RANBP2: variants seen among roughly 807,000 people sequenced by gnomAD.
RANBP2 encodes the protein RAN binding protein 2, also known as E3 SUMO-protein ligase RanBP2.
Under a neutral mutation model 303.6 loss-of-function variants are expected in RANBP2, and 57 were observed. The ratio of observed to expected loss-of-function variants is 0.19; its 90% CI spans 0.15 to 0.23. The LOEUF (loss-of-function observed/expected upper bound fraction) is 0.23. Among genes scored for constraint, RANBP2 ranks in the 10% least tolerant of loss-of-function variants. RANBP2 has a pLI of 1.00. For missense variants in RANBP2, 3,138 were observed against 3,780.8 expected, an observed-to-expected ratio of 0.83 and a Z score of 4.46; for synonymous variants, 1,167 against 1,301.5, an observed-to-expected ratio of 0.90 and a Z score of 2.23.
chr2:109,541,426 T>C, the RANBP2 span, among the ~76,000 whole-genome samples: 2 of 152,220 alleles, frequency 1.3e-5, no homozygotes, highest in Non-Finnish European at 2.9e-5. Flanking sequence ...GTGAGTCTAT[T>C]GTATCTCTAA....
At chr2:108,762,030 C>T (rs1216877376) in intron 18 of RANBP2, 71 bp from the exon 19 acceptor site, 1 of 1,577,744 alleles carries the variant, frequency 6.3e-7, no homozygotes. Context: ...ATTTATAGCT[C>T]TTGCCTAGAT....
At chr2:109,389,520 A>G in the RANBP2 span, among the ~76,000 whole-genome samples, 1 of 152,190 alleles carries the variant, frequency 6.6e-6, no homozygotes, top group Non-Finnish European at 1.5e-5. Flanking sequence ...TCCGTTTCTT[A>G]AAAAGGCCGG....
chr2:109,175,116 T>A, the RANBP2 span, among the ~76,000 whole-genome samples: 1 of 152,188 alleles, frequency 6.6e-6, no homozygotes, highest in Non-Finnish European at 1.5e-5. Context: ...CTACTAGTAG[T>A]CCTGGTCATT....
At chr2:108,810,461 C>G in the RANBP2 span, among the ~76,000 whole-genome samples, 1 of 152,158 alleles carries the variant, frequency 6.6e-6, no homozygotes, top group Admixed American at 6.6e-5. Context: ...ACGTGATTAT[C>G]ACATTTTTTT....
At chr2:109,342,504 A>AG in the RANBP2 span, among the ~76,000 whole-genome samples, 1 of 152,214 alleles carries the variant, frequency 6.6e-6, no homozygotes, top group African/African-American at 2.4e-5. Context: ...AGCCGTGACA[A>AG]GTGCTCTCCT....
chr2:109,192,201 A>G, the RANBP2 span, among the ~76,000 whole-genome samples: 5 of 152,302 alleles, frequency 3.3e-5, no homozygotes, highest in South Asian at 1.0e-3. Context: ...TCCACAGGCT[A>G]CTGAACCTCT....
At chr2:108,834,414 C>T in the RANBP2 span, among the ~76,000 whole-genome samples, 1 of 151,654 alleles carries the variant, frequency 6.6e-6, no homozygotes, top group Non-Finnish European at 1.5e-5. Context: ...GGGGTTTCAC[C>T]ATGTTGGCCA....
downstream of RANBP2, chr2:108,786,775 G>A (rs768414745): frequency 2.0e-6 from 3 of 1,519,052 alleles, no homozygotes; most frequent in Admixed American, 5.9e-5. Flanking sequence ...AGCGCCGCGG[G>A]TTTGATGAAC....
At chr2:109,617,687 G>T in the RANBP2 span, 3 of 166,900 alleles carry the variant, frequency 1.8e-5, no homozygotes, top group Non-Finnish European at 4.4e-5. Context: ...TAACACTTTG[G>T]TCACATCTGT....
At chr2:109,142,116 A>G in the RANBP2 span, among the ~76,000 whole-genome samples, 1 of 151,464 alleles carries the variant, frequency 6.6e-6, no homozygotes, top group Admixed American at 6.6e-5. Flanking sequence ...CCCCACCCTG[A>G]GTCACCTACC....
the RANBP2 span, among the ~76,000 whole-genome samples, chr2:109,028,866 T>C: frequency 3.3e-5 from 5 of 152,234 alleles, no homozygotes; most frequent in Non-Finnish European, 7.3e-5. Context: ...TGTCAGGGAC[T>C]GTGAGGGCCA....
chr2:109,656,303 T>G, the RANBP2 span, among the ~76,000 whole-genome samples: 1 of 152,198 alleles, frequency 6.6e-6, no homozygotes, highest in African/African-American at 2.4e-5. Context: ...GTCTTTCTTT[T>G]TAATTTGCAA....
chr2:108,787,054 C>T, downstream of RANBP2: 1 of 454,538 alleles, frequency 2.2e-6, no homozygotes, highest in Non-Finnish European at 3.6e-6. Context: ...GCGGCTTGGG[C>T]CTCGTGGAAG....
At chr2:109,649,739 G>A in the RANBP2 span, among the ~76,000 whole-genome samples, 1 of 152,174 alleles carries the variant, frequency 6.6e-6, no homozygotes, top group Non-Finnish European at 1.5e-5. Context: ...AAGATTTTCT[G>A]TAAAGCATGT....
the RANBP2 span, among the ~76,000 whole-genome samples, chr2:109,645,602 T>C: frequency 6.6e-6 from 1 of 152,200 alleles, no homozygotes; most frequent in African/African-American, 2.4e-5. Context: ...CTTGGATTCC[T>C]GAGAGGTGCG....
At chr2:109,470,270 A>T in the RANBP2 span, among the ~76,000 whole-genome samples, 1 of 152,160 alleles carries the variant, frequency 6.6e-6, no homozygotes, top group Non-Finnish European at 1.5e-5. Context: ...TAGAAGGATG[A>T]CCCACAGCAC....
the RANBP2 span, among the ~76,000 whole-genome samples, chr2:109,446,890 G>A: frequency 6.6e-6 from 1 of 152,214 alleles, no homozygotes; most frequent in South Asian, 2.1e-4. Flanking sequence ...CAACGCCGAG[G>A]GCCACAGCGC....
chr2:109,162,494 A>T, the RANBP2 span, among the ~76,000 whole-genome samples: 1 of 152,168 alleles, frequency 6.6e-6, no homozygotes, highest in Non-Finnish European at 1.5e-5. Context: ...TACATGTGCC[A>T]TGTTGGTGTG....
chr2:109,394,914 G>A, the RANBP2 span, among the ~76,000 whole-genome samples: 14 of 152,236 alleles, frequency 9.2e-5, no homozygotes, highest in East Asian at 7.7e-4. Context: ...ATGGGTGCAC[G>A]GGAGCCGCCG....
Sources: gnomAD v4.1 joint callset for allele counts (sites outside exome capture counted in the v4.1 genomes callset) on GRCh38, gnomAD v4.1.1 for gene constraint, MANE v1.5 for transcripts, NCBI Gene and HGNC (gene_info 2026-07-23, HGNC 2026-07-21) for gene names.